HOXB6: variants seen among roughly 807,000 people sequenced by gnomAD.
HOXB6 encodes homeobox protein Hox-B6.
HOXB6 carries 18 observed loss-of-function variants against 24.2 expected under a neutral mutation model. The observed-to-expected ratio is 0.74, with a 90% confidence interval of 0.51 to 1.10. HOXB6 has a LOEUF of 1.10. HOXB6 is among the 50% of genes least tolerant of loss of function. The probability of loss-of-function intolerance (pLI) is 0.00; values close to 1 mark genes in which losing one functional copy is unlikely to be tolerated. For synonymous variants in HOXB6, 159 were observed against 139.1 expected (o/e 1.14, Z -1.01); for missense variants, 332 against 308.3 (o/e 1.08, Z -0.58).
At position 48,596,527 on chromosome 17, in the gene HOXB6, C is replaced by T; in HGVS notation, c.561G>A (p.Glu187=). The change falls in exon 4 of 4, where the codon GAG becomes GAA. Residue 187 remains glutamate, a synonymous_variant. Transcript: ENST00000225648. This position sits in a 1 kb window ranked among gnomAD's most constrained non-coding sequence, Gnocchi z 4.8. ...TCTGGAACCATATCTTGATCTGCCT[C>T]TCCGTCAGGCACAGGGCGTGCGCGA... ...IEIAHALCLT[E]RQIKIWFQNR... The T allele has an allele frequency of 6.2e-7, 1 of 1,614,278 alleles. No homozygotes were observed. The highest frequency in any genetic ancestry group is 2.2e-5 in the East Asian group (1 of 44,890).
chr17:48,597,167 C>T, intron 3 of HOXB6: 2 of 795,132 alleles, frequency 2.5e-6, no homozygotes, highest in Admixed American at 5.0e-5. Context: ...CTGTTTCTCC[C>T]TCTCTCGCTC....
At position 48,600,421 on chromosome 17, in the gene HOXB6, C is replaced by T. The variant is rs763130175; in HGVS notation, c.-78-2193G>A. 50 of 454,540 alleles carry T rather than the reference C, an allele frequency of 1.1e-4. 1 individual carries two copies. The highest frequency in any genetic ancestry group is 9.5e-5 in the Admixed American group (4 of 42,254). The allele number at this position is 454,540 out of a possible 1,614,324, so 28.2% of individuals were successfully genotyped here. A position where few individuals can be genotyped will look rare whatever the true frequency, so the allele number is the denominator to read the frequency against. The stretch of plus-strand genomic sequence containing the variant: ...AATTGCCTTATCTTTAGAGTCACAG[C>T]CCCCAAATTAACCTCACCTCTGCAG... On this transcript the variant is annotated intron_variant, in intron 2 of 3. Coordinates refer to ENST00000225648, the MANE Select transcript of HOXB6 (RefSeq NM_018952.5).
chr17:48,602,447 T>C (rs1427972600), intron 2 of HOXB6: 2 of 346,076 alleles, frequency 5.8e-6, no homozygotes, highest in Non-Finnish European at 5.7e-6. Flanking sequence ...TCAGGGCCCC[T>C]GCCCGCTGGA....
intron 2 of HOXB6, chr17:48,602,596 A>T (rs1302480267): frequency 1.0e-5 from 2 of 194,228 alleles, no homozygotes; most frequent in Non-Finnish European, 2.2e-5. Flanking sequence ...TCTGTTCTCT[A>T]ACTCACACCG....
At position 48,595,787 on chromosome 17, in the gene HOXB6, G is replaced by A. The variant is rs4989672; in HGVS notation, c.*626C>T. 1.8e-3 allele frequency: 314 copies of A among 172,546 alleles called. 1 individual carries two copies. Among genetic ancestry groups the A allele is most frequent in the African/African-American group, 6.6e-3 (255 of 38,860 alleles). The allele number at this position is 172,546 out of a possible 1,614,324, so 10.7% of individuals were successfully genotyped here. ...CATCTTTATTATTGTTGTTGTTGTT[G>A]TTATTATTATTATTATTATCATCAT... On this transcript the variant is annotated 3_prime_UTR_variant, in exon 4 of 4. Transcript: ENST00000225648.
intron 2 of HOXB6, among the ~76,000 whole-genome samples, chr17:48,600,239 T>G (rs971405139): frequency 6.6e-6 from 1 of 152,118 alleles, no homozygotes; most frequent in Non-Finnish European, 1.5e-5. Flanking sequence ...CCCTGCCTAC[T>G]GCTGAGGCTG....
Position 48,596,807 on chromosome 17 carries a change from C to G in HOXB6, c.416-135G>C. 1 of 1,406,940 alleles carries G rather than the reference C, an allele frequency of 7.1e-7. No individual in the cohort carries two copies. Among genetic ancestry groups the G allele is most frequent in the South Asian group, 1.2e-5 (1 of 81,556 alleles). 87.2% of individuals were successfully genotyped at this position (1,406,940 alleles called of 1,614,324 possible). A position where few individuals can be genotyped will look rare whatever the true frequency, so the allele number is the denominator to read the frequency against. The stretch of plus-strand genomic sequence containing the variant: ...CTGCCGGCTCCCTTCCCCCGTTTCG[C>G]ACTCCTCCAGCGCCCCCTCCAGATT... On this transcript the variant is annotated intron_variant, in intron 3 of 3. Coordinates refer to ENST00000225648, the MANE Select transcript of HOXB6 (RefSeq NM_018952.5). This position sits in a 1 kb window ranked among gnomAD's most constrained non-coding sequence, Gnocchi z 4.8.
At chr17:48,600,320 G>A in intron 2 of HOXB6, 1 of 386,504 alleles carries the variant, frequency 2.6e-6, no homozygotes, top group South Asian at 1.9e-5. Flanking sequence ...AAATAGTGTG[G>A]TTTTCTCAGT....
intron 2 of HOXB6, among the ~76,000 whole-genome samples, chr17:48,598,512 C>G (rs1195761596): frequency 6.6e-6 from 1 of 152,106 alleles, no homozygotes; most frequent in Non-Finnish European, 1.5e-5. Flanking sequence ...GGCTCAGTGC[C>G]TTTGAGGGAG....
At position 48,596,079 on chromosome 17, in the gene HOXB6, G is replaced by T. The variant is rs764405702; in HGVS notation, c.*334C>A. On this transcript the variant is annotated 3_prime_UTR_variant, in exon 4 of 4. Coordinates refer to ENST00000225648, the MANE Select transcript of HOXB6 (RefSeq NM_018952.5). This position sits in a 1 kb window ranked among gnomAD's most constrained non-coding sequence, Gnocchi z 4.8. Reference sequence around the variant, plus strand: ...ACGGGGGACATGGACAAAATGAGACGCGACAGGGACAAGAGCATTTTGCTC... The same window carrying T: ...ACGGGGGACATGGACAAAATGAGACTCGACAGGGACAAGAGCATTTTGCTC... 24 of 517,658 alleles carry T rather than the reference G, an allele frequency of 4.6e-5. No homozygotes were observed. The highest frequency in any genetic ancestry group is 3.5e-4 in the South Asian group (23 of 65,114). The allele number at this position is 517,658 out of a possible 1,614,324, so 32.1% of individuals were successfully genotyped here. A position where few individuals can be genotyped will look rare whatever the true frequency, so the allele number is the denominator to read the frequency against.
rs2070307527 is a variant in HOXB6 at position 48,596,693 on chromosome 17, G to A, written c.416-21C>T. On this transcript the variant is annotated intron_variant, in intron 3 of 3. Transcript: ENST00000225648. The surrounding 1 kb of genome is among the most constrained non-coding windows in gnomAD (Gnocchi z 4.8). Reference sequence around the variant, plus strand: ...GGAACCTGTTACGCAGAGTGGAGATGCTGAGGCCTGCGGTCACCGGGCCCA... The same window carrying A: ...GGAACCTGTTACGCAGAGTGGAGATACTGAGGCCTGCGGTCACCGGGCCCA... The A allele has an allele frequency of 1.2e-6, 2 of 1,609,034 alleles. No homozygotes were observed. The highest frequency in any genetic ancestry group is 1.1e-5 in the South Asian group (1 of 91,082).
chr17:48,596,540 A>AG lies in HOXB6; in HGVS notation c.547dup (p.Leu183ProfsTer133). On this transcript the variant is annotated frameshift_variant, in exon 4 of 4. Coordinates refer to ENST00000225648, the MANE Select transcript of HOXB6 (RefSeq NM_018952.5). LOFTEE classifies it high-confidence loss of function. The surrounding 1 kb of genome is among the most constrained non-coding windows in gnomAD (Gnocchi z 4.8). ...CTTGATCTGCCTCTCCGTCAGGCAC[A>AG]GGGCGTGCGCGATCTCGATGCGCCG... is the stretch of plus-strand genomic sequence containing the variant. 1.2e-6 allele frequency: 2 copies of AG among 1,614,256 alleles called. No homozygotes were observed. Among genetic ancestry groups the AG allele is most frequent in the Non-Finnish European group, 1.7e-6 (2 of 1,180,050 alleles).
Position 48,597,995 on chromosome 17 carries a change from G to A in HOXB6, c.156C>T (p.Gly52=), listed in dbSNP as rs2070359277. The A allele has an allele frequency of 1.3e-6, 2 of 1,592,984 alleles. No individual in the cohort carries two copies. Among genetic ancestry groups the A allele is most frequent in the Admixed American group, 1.8e-5 (1 of 57,112 alleles). The change falls in exon 3 of 4, where the codon GGC becomes GGT. Residue 52 remains glycine (G), a synonymous_variant. Transcript: ENST00000225648. ...GCGGGTAATAGGAGGAAGTGGCAAA[G>A]CCCTTGTCCTGGCCCGGCCCTGGCC... ...PYGPGPGQDK[G]FATSSYYPPA... is the part of the protein sequence containing the mutation.
intron 2 of HOXB6, chr17:48,604,189 G>C (rs1209413621): frequency 6.6e-6 from 1 of 150,928 alleles, no homozygotes; most frequent in Non-Finnish European, 1.5e-5. Context: ...CCTCTCTTTC[G>C]CACCCCCCTT....
At chr17:48,597,173 C>A in intron 3 of HOXB6, 1 of 726,248 alleles carries the variant, frequency 1.4e-6, no homozygotes, top group Non-Finnish European at 1.8e-6. Context: ...CTCCCTCTCT[C>A]GCTCCGCCTG....
At chr17:48,602,393 G>C (rs1378342189) in intron 2 of HOXB6, 1 of 366,940 alleles carries the variant, frequency 2.7e-6, no homozygotes, top group African/African-American at 2.1e-5. Context: ...GTGGGGGTGG[G>C]GATGGCGGTG....
chr17:48,597,068 C>A (rs2070320063), intron 3 of HOXB6: 4 of 1,122,870 alleles, frequency 3.6e-6, no homozygotes, highest in Non-Finnish European at 4.4e-6. Context: ...ATCCATAGTC[C>A]ACATTAACGG....
At position 48,595,863 on chromosome 17, in the gene HOXB6, C is replaced by G. The variant is rs1200558140; in HGVS notation, c.*550G>C. 3 of 300,596 alleles carry G rather than the reference C, an allele frequency of 1.0e-5. No individual in the cohort carries two copies. The highest frequency in any genetic ancestry group is 2.0e-5 in the Non-Finnish European group (3 of 152,154). The allele number at this position is 300,596 out of a possible 1,614,324, so 18.6% of individuals were successfully genotyped here. On this transcript the variant is annotated 3_prime_UTR_variant, in exon 4 of 4. Coordinates refer to ENST00000225648, the MANE Select transcript of HOXB6 (RefSeq NM_018952.5). ...TTTCACGTCCAGAGCTAAGACAAGA[C>G]TACAAACACAACACATAGAAAATTA...
chr17:48,596,577 G>A lies in HOXB6; in HGVS notation c.511C>T (p.Leu171=), dbSNP rs536091156. The A allele has an allele frequency of 1.9e-6, 3 of 1,614,250 alleles. No individual in the cohort carries two copies. Among genetic ancestry groups the A allele is most frequent in the South Asian group, 2.2e-5 (2 of 91,088 alleles). The change falls in exon 4 of 4, where the codon CTG becomes TTG. Residue 171 remains leucine, a synonymous_variant. Transcript: ENST00000225648. This position sits in a 1 kb window ranked among gnomAD's most constrained non-coding sequence, Gnocchi z 4.8. ...ATCTCGATGCGCCGCCGCCGCGTCA[G>A]GTAGCGATTGTAGTGAAACTCCTTC... The part of the protein sequence containing the change: ...LEKEFHYNRY[L]TRRRRIEIAH...
Sources: gnomAD v4.1 joint callset for allele counts (sites outside exome capture counted in the v4.1 genomes callset) on GRCh38, gnomAD v4.1.1 for gene constraint, Gnocchi (gnomAD v3.1) non-coding constraint, MANE v1.5 for transcripts, NCBI Gene and HGNC (gene_info 2026-07-23, HGNC 2026-07-21) for gene names.